TMEM123: variants seen among roughly 807,000 people sequenced by gnomAD.
The protein encoded by TMEM123 is transmembrane protein 123.
In TMEM123, 16 loss-of-function variants were observed where a neutral mutation model predicts 19.7. That is an observed-to-expected ratio of 0.81 (90% CI 0.55 to 1.23). The LOEUF is 1.23. Ranked by LOEUF, TMEM123 falls within the 50% of genes most tolerant of loss-of-function variation. The probability of loss-of-function intolerance (pLI) is 0.00; values close to 1 mark genes in which losing one functional copy is unlikely to be tolerated. For synonymous variants in TMEM123, 118 were observed against 99.4 expected (o/e 1.19, Z -1.12); for missense variants, 313 against 257.8 (o/e 1.21, Z -1.47).
chr11:102,406,938 G>A (rs557695997), intron 2 of TMEM123, among the ~76,000 whole-genome samples: 11 of 152,082 alleles, frequency 7.2e-5, no homozygotes, highest in African/African-American at 2.4e-4. Context: ...ACCAGTAGGG[G>A]GTGGAGCACC....
At chr11:102,439,706 G>A (rs1175841441) in intron 2 of TMEM123, among the ~76,000 whole-genome samples, 5 of 152,222 alleles carry the variant, frequency 3.3e-5, no homozygotes, top group African/African-American at 9.6e-5. Flanking sequence ...TGACTTTGAC[G>A]AGTTGAGAGA....
intron 2 of TMEM123, among the ~76,000 whole-genome samples, chr11:102,424,346 C>A (rs1952108734): frequency 6.6e-6 from 1 of 152,140 alleles, no homozygotes; most frequent in African/African-American, 2.4e-5. Context: ...ATCAAGTATT[C>A]CATATACTTT....
chr11:102,402,941 G>T (rs1951925703), intron 2 of TMEM123, among the ~76,000 whole-genome samples: 1 of 152,190 alleles, frequency 6.6e-6, no homozygotes, highest in African/African-American at 2.4e-5. Flanking sequence ...ACCTGCAACT[G>T]AGTTTTTCTT....
chr11:102,437,757 C>T (rs548230893), intron 2 of TMEM123, among the ~76,000 whole-genome samples: 15 of 152,284 alleles, frequency 9.9e-5, no homozygotes, highest in African/African-American at 3.4e-4. Flanking sequence ...CATTCTAAGT[C>T]GTCAGAATCC....
chr11:102,398,786 A>G lies in TMEM123; in HGVS notation c.*81T>C. On this transcript the variant is annotated 3_prime_UTR_variant, in exon 5 of 5. Transcript: ENST00000398136. ...TTTATACTATTTTCAAAAAGAGAAT[A>G]TTGTTTTAAACTATTAATAAACCAA... The G allele has an allele frequency of 7.2e-7, 1 of 1,389,162 alleles. No individual in the cohort carries two copies. The highest frequency in any genetic ancestry group is 2.3e-5 in the East Asian group (1 of 43,546). 86.1% of individuals were successfully genotyped at this position (1,389,162 alleles called of 1,614,324 possible). A position where few individuals can be genotyped will look rare whatever the true frequency, so the allele number is the denominator to read the frequency against.
At chr11:102,416,879 T>C (rs1222933677) in intron 2 of TMEM123, among the ~76,000 whole-genome samples, 1 of 151,906 alleles carries the variant, frequency 6.6e-6, no homozygotes, top group Non-Finnish European at 1.5e-5. Flanking sequence ...TCACATAATG[T>C]GAACTAAAAA....
intron 2 of TMEM123, among the ~76,000 whole-genome samples, chr11:102,410,450 T>C (rs1311748770): frequency 6.6e-6 from 1 of 150,876 alleles, no homozygotes; most frequent in Non-Finnish European, 1.5e-5. Flanking sequence ...GCTTTTCCCA[T>C]AGGTCTTGCC....
At chr11:102,414,694 G>C (rs1244237349) in intron 2 of TMEM123, among the ~76,000 whole-genome samples, 1 of 152,138 alleles carries the variant, frequency 6.6e-6, no homozygotes, top group Non-Finnish European at 1.5e-5. Flanking sequence ...AGGTCCTTAA[G>C]AGAGGGATAA....
At chr11:102,452,232 C>T in intron 1 of TMEM123, 2 of 313,610 alleles carry the variant, frequency 6.4e-6, no homozygotes, top group East Asian at 5.1e-5. Flanking sequence ...CTGTAAAAAC[C>T]AACTTGCGGT....
chr11:102,423,348 C>T (rs75217705), intron 2 of TMEM123, among the ~76,000 whole-genome samples: 6,898 of 152,262 alleles, frequency 0.045, 218 homozygotes, highest in Non-Finnish European at 0.074. Context: ...TGATGCTATA[C>T]GACTTCTGAG....
intron 2 of TMEM123, among the ~76,000 whole-genome samples, chr11:102,428,163 G>A (rs1266132850): frequency 6.6e-6 from 1 of 151,972 alleles, no homozygotes; most frequent in Non-Finnish European, 1.5e-5. Context: ...AAAAACAAGA[G>A]TACATTAATT....
rs774079282 is a variant in TMEM123, at chr11:102,452,652, G to T, written c.-29C>A. On this transcript the variant is annotated 5_prime_UTR_variant, in exon 1 of 5. Coordinates refer to ENST00000398136, the MANE Select transcript of TMEM123 (RefSeq NM_052932.3). ...TCCGAGGGCAGGATGCGGCAGCCTC[G>T]TGGGCTCCCAGCCGAGGTGGCGGCG... The T allele has an allele frequency of 8.3e-6, 12 of 1,449,430 alleles. No homozygotes were observed. The highest frequency in any genetic ancestry group is 9.1e-7 in the Non-Finnish European group (1 of 1,094,032). The allele number at this position is 1,449,430 out of a possible 1,614,324, so 89.8% of individuals were successfully genotyped here. A position where few individuals can be genotyped will look rare whatever the true frequency, so the allele number is the denominator to read the frequency against.
chr11:102,415,421 T>C (rs867319912), intron 2 of TMEM123, among the ~76,000 whole-genome samples: 17 of 152,194 alleles, frequency 1.1e-4, no homozygotes, highest in African/African-American at 2.9e-4. Context: ...AAACTGCACA[T>C]GACACATACC....
chr11:102,401,729 ATTTT>A (rs139978855), intron 3 of TMEM123, 37 bp from the exon 4 acceptor site: 9 of 1,296,618 alleles, frequency 6.9e-6, no homozygotes, highest in South Asian at 1.6e-5. Flanking sequence ...CTTTAGCGTT[ATTTT>A]TTTTTTTTTA....
intron 2 of TMEM123, among the ~76,000 whole-genome samples, chr11:102,425,484 ATT>A (rs1591560521): frequency 6.7e-6 from 1 of 150,076 alleles, no homozygotes; most frequent in Admixed American, 6.6e-5. Context: ...GATAAAAAGC[ATT>A]GTCTGTTTTT....
intron 2 of TMEM123, among the ~76,000 whole-genome samples, chr11:102,443,025 C>T (rs1406476634): frequency 6.6e-6 from 1 of 152,148 alleles, no homozygotes; most frequent in Non-Finnish European, 1.5e-5. Flanking sequence ...AACTACAAAC[C>T]ACTGCTCAAC....
intron 2 of TMEM123, among the ~76,000 whole-genome samples, chr11:102,432,185 T>G (rs879297299): frequency 6.6e-6 from 1 of 152,208 alleles, no homozygotes; most frequent in Non-Finnish European, 1.5e-5. Context: ...TTTGGAGGAC[T>G]TAGAAGAAGA....
rs1591551464 is a variant in TMEM123 at position 102,398,470 on chromosome 11, C to T, written c.*397G>A. 1.5e-5 allele frequency: 6 copies of T among 406,868 alleles called. 1 individual carries two copies. In the East Asian group the frequency reaches 1.8e-4, roughly 12 times the overall value. 25.2% of individuals were successfully genotyped at this position (406,868 alleles called of 1,614,324 possible). A position where few individuals can be genotyped will look rare whatever the true frequency, so the allele number is the denominator to read the frequency against. ...GCACTGAAGTTCTTTATGTGAGCTA[C>T]AAAAGATACCCAAAATCCTGAGTGC... On this transcript the variant is annotated 3_prime_UTR_variant, in exon 5 of 5. Transcript: ENST00000398136.
intron 2 of TMEM123, among the ~76,000 whole-genome samples, chr11:102,407,528 C>A (rs745801146): frequency 1.3e-5 from 2 of 152,096 alleles, no homozygotes; most frequent in Non-Finnish European, 2.9e-5. Flanking sequence ...CAGAATGTGA[C>A]CTTATTTGGA....
Sources: allele counts gnomAD v4.1 joint callset (sites outside exome capture counted in the v4.1 genomes callset), GRCh38; gene constraint gnomAD v4.1.1; transcripts MANE v1.5; gene names NCBI Gene and HGNC (gene_info 2026-07-23, HGNC 2026-07-21).